The following GRIN2B variants were observed in gnomAD, a reference collection of about 807,000 sequenced individuals.
GRIN2B encodes the protein glutamate receptor ionotropic, NMDA 2B.
A neutral mutation model predicts 114.5 loss-of-function variants in GRIN2B; 5 were observed. The ratio of observed to expected loss-of-function variants is 0.04; its 90% CI spans 0.02 to 0.09. The LOEUF (loss-of-function observed/expected upper bound fraction) is 0.09. Among genes scored for constraint, GRIN2B ranks in the 10% least tolerant of loss-of-function variants. GRIN2B has a pLI of 1.00. For synonymous variants in GRIN2B, 787 were observed against 745.1 expected (o/e 1.06, Z -0.92); for missense variants, 1,108 against 1,943.5 (o/e 0.57, Z 8.08).
chr12:13,741,810 G>A (rs10772709), intron 4 of GRIN2B, among the ~76,000 whole-genome samples: 48,995 of 151,992 alleles, frequency 0.32, 8,644 homozygotes, highest in East Asian at 0.59. Flanking sequence ...GCCTCCCAAA[G>A]TGCTGAAATT....
rs2136388803 is a variant in GRIN2B, at chr12:13,551,172, T to G, written c.*11611A>C. 6.6e-6 allele frequency: 1 copy of G among 152,262 alleles called. No homozygotes were observed. The highest frequency in any genetic ancestry group is 2.1e-4 in the South Asian group (1 of 4,822). 9.4% of individuals were successfully genotyped at this position (152,262 alleles called of 1,614,324 possible). On this transcript the variant is annotated 3_prime_UTR_variant, in exon 14 of 14. Transcript: ENST00000609686. ...AAATTATTGAATCCGTGAAGGCATT[T>G]ATCCCTATTCCTTGAGAATAGGGAT...
At chr12:13,601,364 A>G (rs1949157543) in intron 10 of GRIN2B, among the ~76,000 whole-genome samples, 1 of 152,064 alleles carries the variant, frequency 6.6e-6, no homozygotes, top group African/African-American at 2.4e-5. Context: ...TTCCATCTTC[A>G]TATGGTCTTC....
At chr12:13,827,229 C>CTTTTTTTTTTTT (rs57007962) in intron 3 of GRIN2B, among the ~76,000 whole-genome samples, 12 of 98,646 alleles carry the variant, frequency 1.2e-4, no homozygotes, top group African/African-American at 2.1e-4. Flanking sequence ...TTGTTGTTTT[C>CTTTTTTTTTTTT]TTTTTTTTTT....
At chr12:13,568,443 T>C (rs1033262966) in intron 12 of GRIN2B, among the ~76,000 whole-genome samples, 8 of 152,210 alleles carry the variant, frequency 5.3e-5, no homozygotes, top group African/African-American at 1.9e-4. Flanking sequence ...ATTATTGCCT[T>C]TGAGTGACAG....
chr12:13,584,279 C>T (rs1948889244), intron 10 of GRIN2B, among the ~76,000 whole-genome samples: 1 of 152,136 alleles, frequency 6.6e-6, no homozygotes, highest in Non-Finnish European at 1.5e-5. Flanking sequence ...AACTTTGGGC[C>T]AGACTTAATT....
chr12:13,580,471 C>T (rs756640903), intron 10 of GRIN2B, among the ~76,000 whole-genome samples: 5 of 152,284 alleles, frequency 3.3e-5, no homozygotes, highest in South Asian at 4.1e-4. Context: ...ATATTCATTC[C>T]ATTACTTCTG....
chr12:13,829,838 C>T lies in GRIN2B; in HGVS notation c.411+35960G>A, dbSNP rs115702940. ...TGCTCCATGCTTATACTATGGAGTC[C>T]CTACGACAGCTCTCTGACTTAAAGA... On this transcript the variant is annotated intron_variant, in intron 3 of 13. Coordinates refer to ENST00000609686, the MANE Select transcript of GRIN2B (RefSeq NM_000834.5). Among the ~76,000 whole-genome samples the T allele has an allele frequency of 7.0e-3, 1,072 of 152,228 alleles. 23 individuals are homozygous for T. Among genetic ancestry groups the T allele is most frequent in the African/African-American group, 0.025 (1,040 of 41,524 alleles).
chr12:13,669,040 G>C (rs1037273338), intron 5 of GRIN2B, among the ~76,000 whole-genome samples: 1 of 150,892 alleles, frequency 6.6e-6, no homozygotes, highest in Non-Finnish European at 1.5e-5. Flanking sequence ...GGGAGATAGG[G>C]AGGATAAGCC....
At chr12:13,592,944 T>C (rs866087439) in intron 10 of GRIN2B, among the ~76,000 whole-genome samples, 4 of 152,270 alleles carry the variant, frequency 2.6e-5, no homozygotes, top group Admixed American at 6.5e-5. Context: ...AAAAGCATGC[T>C]AAAAAAATGT....
At position 13,550,471 on chromosome 12, in the gene GRIN2B, A is replaced by G. The variant is rs562180837; in HGVS notation, c.*12312T>C. 1.6e-4 allele frequency: 24 copies of G among 152,224 alleles called. No individual in the cohort carries two copies. Among genetic ancestry groups the G allele is most frequent in the African/African-American group, 5.5e-4 (23 of 41,470 alleles). 9.4% of individuals were successfully genotyped at this position (152,224 alleles called of 1,614,324 possible). A position where few individuals can be genotyped will look rare whatever the true frequency, so the allele number is the denominator to read the frequency against. On this transcript the variant is annotated 3_prime_UTR_variant, in exon 14 of 14. Transcript: ENST00000609686. Reference sequence around the variant, plus strand: ...GCGCTGATCACTGAAGGTGTGCAAGAGTCTCAGGAGGAATTCTGTCATAAA... The same window carrying G: ...GCGCTGATCACTGAAGGTGTGCAAGGGTCTCAGGAGGAATTCTGTCATAAA...
chr12:13,559,518 C>A lies in GRIN2B; in HGVS notation c.*3265G>T, dbSNP rs1948513578. ...CCTGATGGCAGTAATGAGGACAAGG[C>A]AAATAAAGAGCCGCTATTGGCACCA... is the stretch of plus-strand genomic sequence containing the variant. On this transcript the variant is annotated 3_prime_UTR_variant, in exon 14 of 14. Coordinates refer to ENST00000609686, the MANE Select transcript of GRIN2B (RefSeq NM_000834.5). 1 of 152,160 alleles carries A rather than the reference C, an allele frequency of 6.6e-6. No homozygotes were observed. The highest frequency in any genetic ancestry group is 1.5e-5 in the Non-Finnish European group (1 of 68,038). 9.4% of individuals were successfully genotyped at this position (152,160 alleles called of 1,614,324 possible).
chr12:13,664,704 G>A (rs145699952), intron 5 of GRIN2B, among the ~76,000 whole-genome samples: 2 of 151,882 alleles, frequency 1.3e-5, no homozygotes, highest in Non-Finnish European at 2.9e-5. Flanking sequence ...TAACTTAATT[G>A]AGTTTAATTT....
At chr12:13,705,491 C>G (rs1403909873) in intron 4 of GRIN2B, among the ~76,000 whole-genome samples, 4 of 152,086 alleles carry the variant, frequency 2.6e-5, no homozygotes, top group African/African-American at 9.7e-5. Context: ...AATATACGTT[C>G]ATAAGGATTC....
chr12:13,565,751 G>T (rs764899195), intron 13 of GRIN2B, among the ~76,000 whole-genome samples: 5 of 152,198 alleles, frequency 3.3e-5, no homozygotes, highest in African/African-American at 1.2e-4. Context: ...GAATGAGAGG[G>T]GAGAGGGTTA....
chr12:13,875,871 G>A (rs940874022), intron 2 of GRIN2B, among the ~76,000 whole-genome samples: 4 of 152,086 alleles, frequency 2.6e-5, no homozygotes, highest in African/African-American at 9.7e-5. Context: ...ATTTTCCATG[G>A]GCCAGGGAAC....
rs1005424377 is a variant in GRIN2B at position 13,857,865 on chromosome 12, ACTT to A, written c.411+7930_411+7932del. Among the ~76,000 whole-genome samples the A allele has an allele frequency of 1.1e-4, 16 of 152,198 alleles. No individual in the cohort carries two copies. In the East Asian group the frequency reaches 1.2e-3, roughly 11 times the overall value. ...ACTTCTTCTAATCCAATACCAACCC[ACTT>A]CTTCTTCCTTCGTTAAGTATGAGCA... On this transcript the variant is annotated intron_variant, in intron 3 of 13. Coordinates refer to ENST00000609686, the MANE Select transcript of GRIN2B (RefSeq NM_000834.5).
rs145005918 is a variant in GRIN2B, at chr12:13,564,535, C to T, written c.2703G>A (p.Leu901=). The change falls in exon 14 of 14, where the codon CTG becomes CTA. Residue 901 remains leucine (L), a synonymous_variant. Transcript: ENST00000609686. This position sits in a 1 kb window ranked among gnomAD's most constrained non-coding sequence, Gnocchi z 4.8. Reference sequence around the variant, plus strand: ...TAGCCATGTTCTTGGCCGTGCGCAGCAGGCGCAGGATGTTGGAGTGTGTGT... The same window carrying T: ...TAGCCATGTTCTTGGCCGTGCGCAGTAGGCGCAGGATGTTGGAGTGTGTGT... ...MNNTHSNILR[L]LRTAKNMANL... is the part of the protein sequence containing the mutation. 2.0e-4 allele frequency: 315 copies of T among 1,614,142 alleles called. 5 individuals carry two copies. In the Admixed American group the frequency reaches 2.2e-3, roughly 11 times the overall value.
chr12:13,912,125 G>A (rs1332259833), intron 2 of GRIN2B, among the ~76,000 whole-genome samples: 3 of 152,198 alleles, frequency 2.0e-5, no homozygotes, highest in Non-Finnish European at 2.9e-5. Context: ...GTTCCTTAGT[G>A]CTTCCCACCC....
chr12:13,614,178 T>C (rs1465587241), intron 8 of GRIN2B, among the ~76,000 whole-genome samples: 1 of 152,236 alleles, frequency 6.6e-6, no homozygotes, highest in Non-Finnish European at 1.5e-5. Context: ...GAGTAATTTA[T>C]AGAAAAATTC....
Sources: gnomAD v4.1 joint callset for allele counts (sites outside exome capture counted in the v4.1 genomes callset) on GRCh38, gnomAD v4.1.1 for gene constraint, Gnocchi (gnomAD v3.1) non-coding constraint, MANE v1.5 for transcripts, NCBI Gene and HGNC (gene_info 2026-07-23, HGNC 2026-07-21) for gene names.